The following XKR4 variants were observed in gnomAD, a reference collection of about 807,000 sequenced individuals.
XKR4 encodes XK related 4.
XKR4 carries 12 observed loss-of-function variants against 53.9 expected under a neutral mutation model. The ratio of observed to expected loss-of-function variants is 0.22; its 90% CI spans 0.14 to 0.36. The LOEUF (loss-of-function observed/expected upper bound fraction) is 0.36, where lower values mean the gene tolerates loss of function less well. XKR4 is among the 10% of genes least tolerant of loss of function. The pLI is 1.00. For missense variants in XKR4, 799 were observed against 859.5 expected (o/e 0.93, Z 0.88); for synonymous variants, 354 against 362.4 (o/e 0.98, Z 0.26).
At chr8:55,397,682 G>A (rs2975942) in intron 2 of XKR4, among the ~76,000 whole-genome samples, 2 of 151,742 alleles carry the variant, frequency 1.3e-5, no homozygotes, top group Non-Finnish European at 2.9e-5. Context: ...AAGTGCACAC[G>A]ACTCCCAAGC....
intron 1 of XKR4, among the ~76,000 whole-genome samples, chr8:55,132,605 G>A (rs1017256896): frequency 1.3e-5 from 2 of 152,162 alleles, no homozygotes; most frequent in African/African-American, 4.8e-5. Flanking sequence ...GATATGGAGA[G>A]ACTACTGTGC....
intron 1 of XKR4, among the ~76,000 whole-genome samples, chr8:55,325,096 A>G (rs1206877361): frequency 6.6e-6 from 1 of 152,212 alleles, no homozygotes; most frequent in Non-Finnish European, 1.5e-5. Context: ...TTTATGTGCC[A>G]CAAAGTAGAT....
At chr8:55,171,687 A>G (rs527973711) in intron 1 of XKR4, among the ~76,000 whole-genome samples, 162 of 152,232 alleles carry the variant, frequency 1.1e-3, no homozygotes, top group Non-Finnish European at 1.9e-3. Context: ...CAGCCTGCCA[A>G]CACTGACAGC....
intron 1 of XKR4, among the ~76,000 whole-genome samples, chr8:55,289,646 A>AAAGAAAGGAAGGAAGGAAGGAAGG (rs1221597017): frequency 8.0e-5 from 7 of 87,024 alleles, no homozygotes; most frequent in African/African-American, 3.9e-4. Context: ...AGAAAGAAAG[A>AAAGAAAGGAAGGAAGGAAGGAAGG]AAGGAAGGAA....
chr8:55,496,197 TAAG>T (rs1806345238), intron 2 of XKR4, among the ~76,000 whole-genome samples: 1 of 152,198 alleles, frequency 6.6e-6, no homozygotes, highest in African/African-American at 2.4e-5. Context: ...CTGTTCGGGT[TAAG>T]AAGAATGCTT....
intron 2 of XKR4, among the ~76,000 whole-genome samples, chr8:55,394,218 A>G (rs1212732768): frequency 6.6e-6 from 1 of 152,182 alleles, no homozygotes; most frequent in East Asian, 1.9e-4. Flanking sequence ...TCTCTTGGAT[A>G]TTAGTTATGC....
chr8:55,463,900 C>G (rs1384095699), intron 2 of XKR4, among the ~76,000 whole-genome samples: 2 of 152,152 alleles, frequency 1.3e-5, no homozygotes, highest in South Asian at 2.1e-4. Flanking sequence ...TTCCTCGACA[C>G]ATACACTCTC....
At chr8:55,352,264 G>A (rs1003573616) in intron 1 of XKR4, among the ~76,000 whole-genome samples, 6 of 152,238 alleles carry the variant, frequency 3.9e-5, no homozygotes, top group Non-Finnish European at 5.9e-5. Flanking sequence ...GATAAGGAAT[G>A]TGTAGAGGCA....
At chr8:55,454,471 C>T in intron 2 of XKR4, 1 of 1,189,108 alleles carries the variant, frequency 8.4e-7, no homozygotes, top group Non-Finnish European at 1.2e-6. Context: ...CCTCGTGCTC[C>T]ATGAGGGTGG....
chr8:55,375,348 G>T (rs1275382644), intron 2 of XKR4, among the ~76,000 whole-genome samples: 9 of 152,136 alleles, frequency 5.9e-5, no homozygotes, highest in Non-Finnish European at 1.5e-5. Context: ...GGGGAAGAGC[G>T]CCCTCAGCCT....
In XKR4 at chr8:55,540,216, T is replaced by A. The variant is rs1347778323; in HGVS notation, c.*15989T>A. On this transcript the variant is annotated 3_prime_UTR_variant, in exon 3 of 3. Transcript: ENST00000327381. ...CATTCTGTAAACATCACATATGTGA[T>A]GCTTTGTAAATGTATTAATTGTGGT... The A allele has an allele frequency of 6.6e-6, 1 of 152,248 alleles. No homozygotes were observed. The highest frequency in any genetic ancestry group is 1.5e-5 in the Non-Finnish European group (1 of 68,038). 9.4% of individuals were successfully genotyped at this position (152,248 alleles called of 1,614,324 possible).
rs541039050 is a variant in XKR4, at chr8:55,436,084, G to C, written c.1006+78207G>C. Among the ~76,000 whole-genome samples, 275 of 152,230 alleles carry C rather than the reference G, an allele frequency of 1.8e-3. 1 individual carries two copies. The highest frequency in any genetic ancestry group is 3.5e-3 in the Non-Finnish European group (239 of 68,008). On this transcript the variant is annotated intron_variant, in intron 2 of 2. Coordinates refer to ENST00000327381, the MANE Select transcript of XKR4 (RefSeq NM_052898.2). ...TAAGCACACCATTTTTCCTGCGTAT[G>C]GAATTCTGTTCTCTCTCAATGTTAA...
chr8:55,373,813 AT>A (rs111446901), intron 2 of XKR4, among the ~76,000 whole-genome samples: 204 of 148,372 alleles, frequency 1.4e-3, no homozygotes, highest in Middle Eastern at 3.5e-3. Flanking sequence ...AGTAAGTTTT[AT>A]TTTTTTTTTT....
Position 55,413,414 on chromosome 8 carries a change from C to T in XKR4, c.1006+55537C>T, listed in dbSNP as rs529735496. Among the ~76,000 whole-genome samples the T allele has an allele frequency of 2.6e-3, 403 of 152,166 alleles. 4 individuals carry two copies. The highest frequency in any genetic ancestry group is 9.0e-3 in the African/African-American group (373 of 41,530). On this transcript the variant is annotated intron_variant, in intron 2 of 2. Transcript: ENST00000327381. ...CTAATTTTTGTATTTTTAATGGAGA[C>T]GGGGTTTCACCAGATTGGCCAGGCT...
intron 2 of XKR4, among the ~76,000 whole-genome samples, chr8:55,462,623 A>G (rs1178935544): frequency 6.6e-6 from 1 of 152,170 alleles, no homozygotes; most frequent in Admixed American, 6.5e-5. Flanking sequence ...CACACATAAC[A>G]ATACTAACCT....
At chr8:55,357,535 T>A (rs1414617192) in intron 1 of XKR4, 143 bp from the exon 2 acceptor site, 1 of 779,838 alleles carries the variant, frequency 1.3e-6, no homozygotes, top group Non-Finnish European at 2.0e-6. Flanking sequence ...CAGTTAACTT[T>A]GGACTTTAAC....
At chr8:55,129,610 G>A (rs912225096) in intron 1 of XKR4, among the ~76,000 whole-genome samples, 1 of 152,162 alleles carries the variant, frequency 6.6e-6, no homozygotes, top group Admixed American at 6.5e-5. Context: ...GGACAGACTC[G>A]GGGTGAGAAA....
chr8:55,503,993 T>C (rs1806484971), intron 2 of XKR4, among the ~76,000 whole-genome samples: 1 of 152,148 alleles, frequency 6.6e-6, no homozygotes, highest in African/African-American at 2.4e-5. Context: ...ATTCTGTTAA[T>C]GTGCTGTATT....
At chr8:55,289,738 A>AG (rs1818974126) in intron 1 of XKR4, among the ~76,000 whole-genome samples, 1 of 14,002 alleles carries the variant, frequency 7.1e-5, no homozygotes, top group Non-Finnish European at 1.6e-3. Flanking sequence ...AGAAAGAAAG[A>AG]AAGAAAAAGA....
Sources: gnomAD v4.1 joint callset for allele counts (sites outside exome capture counted in the v4.1 genomes callset) on GRCh38, gnomAD v4.1.1 for gene constraint, MANE v1.5 for transcripts, NCBI Gene and HGNC (gene_info 2026-07-23, HGNC 2026-07-21) for gene names.